The following PRKG1 variants were observed in gnomAD, a reference collection of about 807,000 sequenced individuals.
The protein encoded by PRKG1 is cGMP-dependent protein kinase 1.
A neutral mutation model predicts 88.1 loss-of-function variants in PRKG1; 35 were observed. That is an observed-to-expected ratio of 0.40 (90% CI 0.30 to 0.53). The LOEUF (loss-of-function observed/expected upper bound fraction) is 0.53. Ranked by LOEUF, PRKG1 falls within the 20% of genes least tolerant of loss-of-function variation. The pLI is 0.59. For synonymous variants in PRKG1, 303 were observed against 292.5 expected (o/e 1.04, Z -0.37); for missense variants, 540 against 839.8 (o/e 0.64, Z 4.41).
chr10:51,220,734 T>TA (rs1265149262), intron 2 of PRKG1, among the ~76,000 whole-genome samples: 2 of 152,128 alleles, frequency 1.3e-5, no homozygotes, highest in Non-Finnish European at 2.9e-5. Context: ...TTTGTATGTA[T>TA]AGGGAAGTTT....
intron 10 of PRKG1, among the ~76,000 whole-genome samples, chr10:52,254,738 A>AGGTG (rs1841267904): frequency 6.6e-6 from 1 of 152,002 alleles, no homozygotes; most frequent in African/African-American, 2.4e-5. Flanking sequence ...ATGCAGAAGT[A>AGGTG]TTTTTCTACA....
At chr10:52,048,722 C>T (rs56181754) in intron 5 of PRKG1, among the ~76,000 whole-genome samples, 27,205 of 152,118 alleles carry the variant, frequency 0.18, 2,956 homozygotes, top group Admixed American at 0.29. Flanking sequence ...TTTTAACTCA[C>T]AAGTTTTAGA....
chr10:51,470,876 T>C (rs932115250), intron 3 of PRKG1, among the ~76,000 whole-genome samples: 6 of 151,828 alleles, frequency 4.0e-5, no homozygotes, highest in Admixed American at 1.3e-4. Context: ...TGGGAAAAAA[T>C]AAATTGGCAT....
intron 2 of PRKG1, among the ~76,000 whole-genome samples, chr10:51,161,164 G>A (rs961412215): frequency 6.6e-6 from 1 of 151,766 alleles, no homozygotes; most frequent in African/African-American, 2.4e-5. Context: ...TTTATATTTG[G>A]AAATAATCAC....
intron 7 of PRKG1, chr10:52,128,521 C>A: frequency 2.0e-6 from 2 of 985,290 alleles, no homozygotes; most frequent in Non-Finnish European, 2.4e-6. Flanking sequence ...ATTCCAGTGA[C>A]GAAGTTCAAA....
chr10:52,154,982 A>G (rs1589655538), intron 8 of PRKG1, among the ~76,000 whole-genome samples: 1 of 152,080 alleles, frequency 6.6e-6, no homozygotes, highest in African/African-American at 2.4e-5. Flanking sequence ...TCATTTTTTT[A>G]TGGCTGAGTA....
Position 51,735,604 on chromosome 10 carries a change from A to T in PRKG1, c.593-68981A>T, listed in dbSNP as rs147322725. Among the ~76,000 whole-genome samples the T allele has an allele frequency of 1.6e-4, 25 of 152,200 alleles. No homozygotes were observed. In the East Asian group the frequency reaches 4.6e-3, roughly 28 times the overall value. Reference sequence around the variant, plus strand: ...ATTCCAAGACTGTCCTTGGATACCAAATCCACTCAAGTCCCTGATATAAAA... The same window carrying T: ...ATTCCAAGACTGTCCTTGGATACCATATCCACTCAAGTCCCTGATATAAAA... On this transcript the variant is annotated intron_variant, in intron 3 of 17. Transcript: ENST00000373980.
intron 1 of PRKG1, among the ~76,000 whole-genome samples, chr10:51,089,702 T>C (rs868625861): frequency 2.2e-4 from 33 of 152,210 alleles, no homozygotes; most frequent in African/African-American, 8.0e-4. Context: ...ATTCATTGGC[T>C]AGAAAAATAA....
chr10:51,553,823 G>A (rs1004357695), intron 3 of PRKG1, among the ~76,000 whole-genome samples: 3 of 101,488 alleles, frequency 3.0e-5, no homozygotes, highest in African/African-American at 1.0e-4. Context: ...TATTAGATAC[G>A]TGTATATAAT....
In PRKG1 at chr10:51,426,697, T is replaced by TAC. The variant is rs139115798; in HGVS notation, c.479-41010_479-41009dup. Among the ~76,000 whole-genome samples, 508 of 151,246 alleles carry TAC rather than the reference T, an allele frequency of 3.4e-3. 4 individuals are homozygous for TAC. In the East Asian group the frequency reaches 0.038, roughly 11 times the overall value. On this transcript the variant is annotated intron_variant, in intron 2 of 17. Transcript: ENST00000373980. ...AGACAAAAATATATGTGTGTGTCTA[T>TAC]ACACACACACACACACATATACAGA...
intron 1 of PRKG1, among the ~76,000 whole-genome samples, chr10:51,079,349 G>C (rs1844047537): frequency 6.6e-6 from 1 of 152,104 alleles, no homozygotes; most frequent in African/African-American, 2.4e-5. Flanking sequence ...TTGGTTTTAT[G>C]GTGTCAGAAA....
chr10:51,213,105 C>T (rs1412841610), intron 2 of PRKG1, among the ~76,000 whole-genome samples: 25 of 152,062 alleles, frequency 1.6e-4, no homozygotes, highest in Admixed American at 1.6e-3. Context: ...GAAAATGTGG[C>T]ACATATACAC....
chr10:51,618,834 T>G (rs1054021346), intron 3 of PRKG1, among the ~76,000 whole-genome samples: 9 of 151,988 alleles, frequency 5.9e-5, no homozygotes, highest in Non-Finnish European at 1.2e-4. Context: ...AGTGGCACAA[T>G]CTTGACTTAC....
chr10:51,508,574 C>A (rs1284626365), intron 3 of PRKG1, among the ~76,000 whole-genome samples: 1 of 151,888 alleles, frequency 6.6e-6, no homozygotes, highest in African/African-American at 2.4e-5. Flanking sequence ...AACCTTAAAT[C>A]TTTTGCTACA....
chr10:51,854,038 A>G (rs1840621105), intron 4 of PRKG1, among the ~76,000 whole-genome samples: 1 of 152,092 alleles, frequency 6.6e-6, no homozygotes, highest in Admixed American at 6.6e-5. Flanking sequence ...GGTATTTTGG[A>G]AGTCAGATGT....
intron 9 of PRKG1, among the ~76,000 whole-genome samples, chr10:52,168,143 T>G (rs1838542502): frequency 6.6e-6 from 1 of 152,174 alleles, no homozygotes; most frequent in African/African-American, 2.4e-5. Flanking sequence ...ATAAAATAGA[T>G]AAGTTTCTTG....
chr10:51,391,530 T>C (rs1837402619), intron 2 of PRKG1, among the ~76,000 whole-genome samples: 1 of 152,246 alleles, frequency 6.6e-6, no homozygotes, highest in African/African-American at 2.4e-5. Flanking sequence ...GCTTTGCCTT[T>C]TGAGGCTTAC....
intron 5 of PRKG1, among the ~76,000 whole-genome samples, chr10:52,054,283 G>T (rs1232146769): frequency 6.6e-6 from 1 of 152,094 alleles, no homozygotes; most frequent in South Asian, 2.1e-4. Flanking sequence ...AATAAAAAAA[G>T]AAAATGAGCA....
chr10:51,617,929 T>C (rs992826268), intron 3 of PRKG1, among the ~76,000 whole-genome samples: 1 of 152,202 alleles, frequency 6.6e-6, no homozygotes. Flanking sequence ...AATTTAAGCA[T>C]GAAATAACAG....
Sources: gnomAD v4.1 joint callset for allele counts (sites outside exome capture counted in the v4.1 genomes callset) on GRCh38, gnomAD v4.1.1 for gene constraint, MANE v1.5 for transcripts, NCBI Gene and HGNC (gene_info 2026-07-23, HGNC 2026-07-21) for gene names.